Variants in PLEKHM2 observed in about 807,000 individuals in gnomAD.
PLEKHM2 encodes pleckstrin homology and RUN domain containing M2, also known as pleckstrin homology domain-containing family M member 2.
In PLEKHM2, 77 loss-of-function variants were observed where a neutral mutation model predicts 116.3. The ratio of observed to expected loss-of-function variants is 0.66; its 90% confidence interval spans 0.55 to 0.80. The LOEUF is 0.80. PLEKHM2 is among the 30% of genes least tolerant of loss of function. The pLI is 0.00. For synonymous variants in PLEKHM2, 562 were observed against 571.0 expected (o/e 0.98, Z 0.22); for missense variants, 1,183 against 1,354.9 (o/e 0.87, Z 1.99).
intron 1 of PLEKHM2, among the ~76,000 whole-genome samples, chr1:15,715,319 C>T (rs957544714): frequency 6.6e-6 from 1 of 152,214 alleles, no homozygotes; most frequent in Non-Finnish European, 1.5e-5. Flanking sequence ...CACTGCACTC[C>T]AGCCTGCATG....
chr1:15,702,891 T>TA lies in PLEKHM2; in HGVS notation c.61-13333dup, dbSNP rs199966582. On this transcript the variant is annotated intron_variant, in intron 1 of 19. Transcript: ENST00000375799. ...ATGCACCACCACGCCCAGCTAACTT[T>TA]AAAAAAAAAAAAAGTTGCTAGAAAC... Among the ~76,000 whole-genome samples the TA allele has an allele frequency of 5.0e-3, 719 of 144,296 alleles. 4 individuals carry two copies. Among genetic ancestry groups the TA allele is most frequent in the African/African-American group, 0.013 (492 of 39,338 alleles). 94.7% of individuals were successfully genotyped at this position (144,296 alleles called of 152,430 possible). A position where few individuals can be genotyped will look rare whatever the true frequency, so the allele number is the denominator to read the frequency against.
chr1:15,711,839 C>G (rs1641336914), intron 1 of PLEKHM2, among the ~76,000 whole-genome samples: 1 of 152,026 alleles, frequency 6.6e-6, no homozygotes, highest in African/African-American at 2.4e-5. Flanking sequence ...TGTAACATGG[C>G]TGGGCGCGGT....
At chr1:15,686,526 G>T (rs1269111148) in intron 1 of PLEKHM2, among the ~76,000 whole-genome samples, 1 of 152,032 alleles carries the variant, frequency 6.6e-6, no homozygotes, top group African/African-American at 2.4e-5. Context: ...TGTTGCCTGG[G>T]CTGGAGGGCA....
chr1:15,728,741 C>T lies in PLEKHM2; in HGVS notation c.1986+8C>T, dbSNP rs754111666. On this transcript the variant is annotated splice_region_variant and intron_variant, in intron 12 of 19. Transcript: ENST00000375799. The surrounding 1 kb of genome is among the most constrained non-coding windows in gnomAD (Gnocchi z 5.9). ...GAACTTGACTATGTGTCGGTGAGTC[C>T]AGGCCCCGCAGTTGTGCGCCTGCTG... is the stretch of plus-strand genomic sequence containing the variant. The T allele has an allele frequency of 6.2e-7, 1 of 1,604,062 alleles. No individual in the cohort carries two copies. Among genetic ancestry groups the T allele is most frequent in the South Asian group, 1.1e-5 (1 of 89,408 alleles).
At chr1:15,702,864 G>A (rs1641143955) in intron 1 of PLEKHM2, among the ~76,000 whole-genome samples, 1 of 143,240 alleles carries the variant, frequency 7.0e-6, no homozygotes, top group Non-Finnish European at 1.5e-5. Context: ...GGGACTATAG[G>A]TATGCACCAC....
At chr1:15,716,646 G>T (rs72881331) in intron 2 of PLEKHM2, 61 bp from the exon 3 acceptor site, 5 of 1,533,362 alleles carry the variant, frequency 3.3e-6, no homozygotes, top group African/African-American at 2.7e-5. Context: ...TGGACCAGCC[G>T]ACTGCAGCTT....
Position 15,707,071 on chromosome 1 carries a change from C to T in PLEKHM2, c.61-9166C>T, listed in dbSNP as rs141955227. The stretch of plus-strand genomic sequence containing the variant: ...CAGGTGCTAAATAGTTCAGGCTGTA[C>T]AGGCCATGCGGTCTCTGAGACAAAC... On this transcript the variant is annotated intron_variant, in intron 1 of 19. Transcript: ENST00000375799. Among the ~76,000 whole-genome samples, 816 of 151,228 alleles carry T rather than the reference C, an allele frequency of 5.4e-3. 4 individuals are homozygous for T. The highest frequency in any genetic ancestry group is 0.018 in the African/African-American group (721 of 40,950).
intron 1 of PLEKHM2, among the ~76,000 whole-genome samples, chr1:15,687,556 C>T (rs1640798545): frequency 6.6e-6 from 1 of 152,166 alleles, no homozygotes; most frequent in Admixed American, 6.5e-5. Context: ...CTCAATTTTA[C>T]AAGGTTTGAA....
chr1:15,709,307 T>C (rs929972830), intron 1 of PLEKHM2, among the ~76,000 whole-genome samples: 4 of 152,184 alleles, frequency 2.6e-5, no homozygotes, highest in Non-Finnish European at 5.9e-5. Context: ...TGTTCTGGGG[T>C]CCTCATTTCT....
rs1426331877 is a variant in PLEKHM2 at position 15,684,493 on chromosome 1, C to A, written c.-66C>A. On this transcript the variant is annotated 5_prime_UTR_variant, in exon 1 of 20. Transcript: ENST00000375799. ...GTTGGCGGCGGCCCCCGGCCCCCGG[C>A]GCGGGAAGCGGCGGCGGGGCGGCGG... is the stretch of plus-strand genomic sequence containing the variant. The A allele has an allele frequency of 5.5e-6, 5 of 915,006 alleles. No homozygotes were observed. The African/African-American group carries it at 8.4e-5, about 15-fold the overall frequency. The allele number at this position is 915,006 out of a possible 1,614,324, so 56.7% of individuals were successfully genotyped here. A position where few individuals can be genotyped will look rare whatever the true frequency, so the allele number is the denominator to read the frequency against.
intron 1 of PLEKHM2, among the ~76,000 whole-genome samples, chr1:15,701,795 A>C (rs549118499): frequency 6.6e-6 from 1 of 152,294 alleles, no homozygotes; most frequent in South Asian, 2.1e-4. Context: ...CCTCTCAAAA[A>C]AGAAAAGAAA....
At chr1:15,693,457 A>G (rs1020978210) in intron 1 of PLEKHM2, among the ~76,000 whole-genome samples, 1 of 152,170 alleles carries the variant, frequency 6.6e-6, no homozygotes. Flanking sequence ...TCACAGAACA[A>G]CCTGGGCTCG....
chr1:15,687,913 A>C (rs1640805875), intron 1 of PLEKHM2, among the ~76,000 whole-genome samples: 1 of 152,236 alleles, frequency 6.6e-6, no homozygotes. Flanking sequence ...GAAGAAAATG[A>C]GATGCATATT....
chr1:15,684,644 G>T, intron 1 of PLEKHM2, 26 bp downstream of exon 1: 1 of 1,238,564 alleles, frequency 8.1e-7, no homozygotes, highest in Non-Finnish European at 1.0e-6. Context: ...CTCCCGGCCG[G>T]GGCCCCTTCC....
intron 17 of PLEKHM2, 75 bp downstream of exon 17, chr1:15,732,123 C>G: frequency 7.0e-7 from 1 of 1,422,134 alleles, no homozygotes; most frequent in Non-Finnish European, 9.7e-7. Context: ...ATCCCTAAAC[C>G]CATAGTCACA....
intron 1 of PLEKHM2, among the ~76,000 whole-genome samples, chr1:15,706,404 GTTT>G (rs1422586613): frequency 6.6e-6 from 1 of 151,998 alleles, no homozygotes; most frequent in Non-Finnish European, 1.5e-5. Context: ...TTGTTTGTTT[GTTT>G]TTATTATTAT....
At chr1:15,698,368 T>A (rs2148337634) in intron 1 of PLEKHM2, among the ~76,000 whole-genome samples, 1 of 152,100 alleles carries the variant, frequency 6.6e-6, no homozygotes, top group Non-Finnish European at 1.5e-5. Context: ...CAGGCCTGGC[T>A]AATTTTTTAG....
chr1:15,704,872 C>T (rs12757952), intron 1 of PLEKHM2, among the ~76,000 whole-genome samples: 28,267 of 152,190 alleles, frequency 0.19, 2,756 homozygotes, highest in Middle Eastern at 0.24. Context: ...GCTGTGCCTT[C>T]GTGGTCTAAG....
intron 1 of PLEKHM2, among the ~76,000 whole-genome samples, chr1:15,708,939 A>G (rs77384446): frequency 0.029 from 4,346 of 152,336 alleles, 75 homozygotes; most frequent in Non-Finnish European, 0.043. Flanking sequence ...CTTGGTAAAC[A>G]TAGTATAAGC....
Sources: allele counts gnomAD v4.1 joint callset (sites outside exome capture counted in the v4.1 genomes callset), GRCh38; gene constraint gnomAD v4.1.1; non-coding constraint Gnocchi (gnomAD v3.1); transcripts MANE v1.5; gene names NCBI Gene and HGNC (gene_info 2026-07-23, HGNC 2026-07-21).